Variants in TAFA2 observed in about 807,000 individuals in gnomAD.
TAFA2 encodes chemokine-like protein TAFA-2.
Under a neutral mutation model 18.8 loss-of-function variants are expected in TAFA2, and 7 were observed. The observed-to-expected ratio is 0.37, with a 90% CI of 0.21 to 0.70. The LOEUF (loss-of-function observed/expected upper bound fraction) is 0.70, where lower values mean the gene tolerates loss of function less well. Among genes scored for constraint, TAFA2 ranks in the 30% least tolerant of loss-of-function variants. TAFA2 has a pLI of 0.53. For missense variants in TAFA2, 122 were observed against 158.1 expected (o/e 0.77, Z 1.23); for synonymous variants, 60 against 54.2 (o/e 1.11, Z -0.47).
chr12:62,026,213 T>C (rs2136738123), intron 1 of TAFA2, among the ~76,000 whole-genome samples: 1 of 152,282 alleles, frequency 6.6e-6, no homozygotes, highest in South Asian at 2.1e-4. Flanking sequence ...AATGGAAAGG[T>C]TGCTAAGGTG....
At position 61,754,880 on chromosome 12, in the gene TAFA2, C is replaced by T. The variant is rs1869188087; in HGVS notation, c.251G>A (p.Cys84Tyr). The T allele has an allele frequency of 1.9e-6, 3 of 1,612,534 alleles. No individual in the cohort carries two copies. Among genetic ancestry groups the T allele is most frequent in the African/African-American group, 1.3e-5 (1 of 74,836 alleles). Residue 84 changes from cysteine (C) to tyrosine (Y), a missense_variant, in exon 3 of 5, where the codon TGT (cysteine) becomes TAT (tyrosine). By Grantham distance (194) the Cys-to-Tyr change is radical. This residue lies in a region of TAFA2 where 60 missense variants were observed against 102.7 expected (regional missense o/e 0.58). Coordinates refer to ENST00000416284, the MANE Select transcript of TAFA2 (RefSeq NM_178539.5). ...VAGTTRAAPS[C>Y]VDASIVEQKW... ...AATGGAAGAAGTCACACCATCCACA[C>T]ATGATGGAGCAGCTCGCGTGGTGCC...
intron 1 of TAFA2, chr12:62,234,767 C>G: frequency 9.2e-7 from 1 of 1,084,960 alleles, no homozygotes. Flanking sequence ...GCTCTGCTGT[C>G]TGTGGAGCAG....
intron 1 of TAFA2, among the ~76,000 whole-genome samples, chr12:61,953,683 T>C (rs955018556): frequency 6.6e-6 from 1 of 152,170 alleles, no homozygotes; most frequent in Middle Eastern, 3.2e-3. Context: ...TTATGATTGC[T>C]GTACAATTGG....
chr12:62,187,913 A>G (rs112177114), intron 1 of TAFA2, among the ~76,000 whole-genome samples: 1 of 152,210 alleles, frequency 6.6e-6, no homozygotes, highest in African/African-American at 2.4e-5. Flanking sequence ...ATAGTTCAAT[A>G]TGCTCAAAGT....
At chr12:61,870,588 A>G (rs892360934) in intron 1 of TAFA2, among the ~76,000 whole-genome samples, 8 of 152,048 alleles carry the variant, frequency 5.3e-5, no homozygotes, top group African/African-American at 1.9e-4. Context: ...TCCTTTCTTT[A>G]TGTCTCTAAT....
At chr12:61,850,029 G>T (rs1873576564) in intron 2 of TAFA2, among the ~76,000 whole-genome samples, 1 of 152,084 alleles carries the variant, frequency 6.6e-6, no homozygotes, top group African/African-American at 2.4e-5. Flanking sequence ...TCTAGGTCAT[G>T]CATTTTCAAC....
chr12:62,217,155 T>A (rs2062739181), intron 1 of TAFA2, among the ~76,000 whole-genome samples: 1 of 152,156 alleles, frequency 6.6e-6, no homozygotes, highest in Non-Finnish European at 1.5e-5. Context: ...ACCCTCTAGA[T>A]AGCATGAAAG....
intron 2 of TAFA2, among the ~76,000 whole-genome samples, chr12:61,829,464 A>T (rs913607825): frequency 6.6e-6 from 1 of 151,776 alleles, no homozygotes; most frequent in Non-Finnish European, 1.5e-5. Context: ...AGAAAATCTT[A>T]TATACTTTAT....
intron 4 of TAFA2, among the ~76,000 whole-genome samples, chr12:61,735,610 T>G (rs185011707): frequency 6.6e-6 from 1 of 151,978 alleles, no homozygotes; most frequent in Non-Finnish European, 1.5e-5. Context: ...GTAACTTCTA[T>G]TTATTCCACC....
intron 1 of TAFA2, among the ~76,000 whole-genome samples, chr12:61,990,077 C>G (rs1879950420): frequency 6.6e-6 from 1 of 152,046 alleles, no homozygotes; most frequent in Non-Finnish European, 1.5e-5. Context: ...TGAGATACAG[C>G]AAGGAAAGAA....
intron 1 of TAFA2, among the ~76,000 whole-genome samples, chr12:62,134,872 TC>T (rs1034175197): frequency 1.7e-4 from 26 of 152,084 alleles, no homozygotes; most frequent in African/African-American, 6.3e-4. Flanking sequence ...CACATTCCAT[TC>T]CCCCTGCCTG....
At chr12:62,075,866 T>C (rs1419596616) in intron 1 of TAFA2, among the ~76,000 whole-genome samples, 1 of 152,244 alleles carries the variant, frequency 6.6e-6, no homozygotes, top group Admixed American at 6.5e-5. Flanking sequence ...ACTTCAATTA[T>C]ATGGTTTTGA....
intron 1 of TAFA2, among the ~76,000 whole-genome samples, chr12:62,105,828 T>C (rs1869423439): frequency 6.6e-6 from 1 of 152,156 alleles, no homozygotes; most frequent in South Asian, 2.1e-4. Flanking sequence ...AAGGGGATAA[T>C]GCAGAGAGTA....
chr12:62,158,066 C>A (rs2062383759), intron 1 of TAFA2, among the ~76,000 whole-genome samples: 1 of 152,144 alleles, frequency 6.6e-6, no homozygotes, highest in Admixed American at 6.6e-5. Context: ...AAATCACATT[C>A]CCTATAAACT....
intron 1 of TAFA2, among the ~76,000 whole-genome samples, chr12:62,081,182 G>A (rs987954599): frequency 1.3e-5 from 2 of 152,006 alleles, no homozygotes; most frequent in Non-Finnish European, 2.9e-5. Flanking sequence ...GCGACAGAGC[G>A]AGACTCCATC....
intron 1 of TAFA2, among the ~76,000 whole-genome samples, chr12:62,221,498 C>T (rs370973026): frequency 5.9e-5 from 9 of 152,036 alleles, no homozygotes; most frequent in East Asian, 3.9e-4. Flanking sequence ...GCTATTAGTT[C>T]AGGGAAAAAC....
chr12:61,874,626 T>C (rs1874763747), intron 1 of TAFA2, among the ~76,000 whole-genome samples: 2 of 152,162 alleles, frequency 1.3e-5, no homozygotes, highest in Admixed American at 6.5e-5. Context: ...TGCAAATACC[T>C]TTACCACCCA....
chr12:62,223,427 C>G (rs1346113159), intron 1 of TAFA2, among the ~76,000 whole-genome samples: 1 of 152,188 alleles, frequency 6.6e-6, no homozygotes, highest in African/African-American at 2.4e-5. Flanking sequence ...ATCCCCTCAC[C>G]TCGGCCTCCC....
chr12:62,181,754 G>A (rs2062552947), intron 1 of TAFA2, among the ~76,000 whole-genome samples: 1 of 152,170 alleles, frequency 6.6e-6, no homozygotes, highest in South Asian at 2.1e-4. Flanking sequence ...CCTTAGCTAT[G>A]ACACCTTCTG....
Sources: gnomAD v4.1 joint callset for allele counts (sites outside exome capture counted in the v4.1 genomes callset) on GRCh38, gnomAD v4.1.1 for gene constraint, gnomAD v4.1.1 regional missense constraint, MANE v1.5 for transcripts, NCBI Gene and HGNC (gene_info 2026-07-23, HGNC 2026-07-21) for gene names.